The following EPB41L3 variants were observed in gnomAD, a reference collection of about 807,000 sequenced individuals.
EPB41L3 encodes erythrocyte membrane protein band 4.1 like 3, also known as band 4.1-like protein 3.
Under a neutral mutation model 127.1 loss-of-function variants are expected in EPB41L3, and 57 were observed. The ratio of observed to expected loss-of-function variants is 0.45; its 90% CI spans 0.36 to 0.56. EPB41L3 has a LOEUF of 0.56. EPB41L3 is among the 20% of genes least tolerant of loss of function. EPB41L3 has a pLI of 0.00. For missense variants in EPB41L3, 1,273 were observed against 1,372.2 expected (o/e 0.93, Z 1.14); for synonymous variants, 572 against 549.5 (o/e 1.04, Z -0.57).
chr18:5,529,184 A>C (rs1324557427), intron 1 of EPB41L3, among the ~76,000 whole-genome samples: 1 of 152,190 alleles, frequency 6.6e-6, no homozygotes, highest in Non-Finnish European at 1.5e-5. Context: ...TTAGTGCTTT[A>C]AGCTGAGCTG....
intron 3 of EPB41L3, among the ~76,000 whole-genome samples, chr18:5,573,262 C>T (rs557002751): frequency 2.6e-5 from 4 of 152,290 alleles, no homozygotes; most frequent in East Asian, 3.9e-4. Flanking sequence ...CACACACAGA[C>T]GCAATTCAAA....
At chr18:5,586,629 T>G (rs908940891) in intron 3 of EPB41L3, among the ~76,000 whole-genome samples, 1 of 150,418 alleles carries the variant, frequency 6.6e-6, no homozygotes, top group African/African-American at 2.5e-5. Flanking sequence ...CTCAAACTCC[T>G]AGGTTCAAGT....
chr18:5,619,294 G>A (rs1259996680), intron 1 of EPB41L3, among the ~76,000 whole-genome samples: 2 of 152,202 alleles, frequency 1.3e-5, no homozygotes, highest in Non-Finnish European at 2.9e-5. Context: ...CTGGTACAGA[G>A]CACTCACTTC....
At chr18:5,501,229 A>G (rs1200496946) in intron 1 of EPB41L3, among the ~76,000 whole-genome samples, 4 of 152,200 alleles carry the variant, frequency 2.6e-5, no homozygotes, top group Non-Finnish European at 5.9e-5. Context: ...TACTTATAAA[A>G]TCCTACCAAG....
chr18:5,453,277 C>A, intron 3 of EPB41L3, among the ~76,000 whole-genome samples: 1 of 152,222 alleles, frequency 6.6e-6, no homozygotes, highest in East Asian at 1.9e-4. Flanking sequence ...GTCTTTTAGC[C>A]TTGGAAGACA....
rs539292106 is a variant in EPB41L3, at chr18:5,412,703, A to G, written c.2068-2084T>C. On this transcript the variant is annotated intron_variant, in intron 13 of 22. Coordinates refer to ENST00000341928, the MANE Select transcript of EPB41L3 (RefSeq NM_012307.5). ...CGTTAAGAGGGAAAGGTTTAACGTC[A>G]GATGAACATGAGCTCAAATCCTTTC... Among the ~76,000 whole-genome samples, 57 of 152,276 alleles carry G rather than the reference A, an allele frequency of 3.7e-4. No individual in the cohort carries two copies. The East Asian group carries it at 0.011, about 28-fold the overall frequency.
intron 1 of EPB41L3, among the ~76,000 whole-genome samples, chr18:5,526,444 G>A (rs2093224352): frequency 6.6e-6 from 1 of 152,138 alleles, no homozygotes; most frequent in South Asian, 2.1e-4. Flanking sequence ...ACTGATCCGA[G>A]TGCCTCCTCC....
At chr18:5,527,370 A>AATAAAACC (rs1166255772) in intron 1 of EPB41L3, among the ~76,000 whole-genome samples, 4 of 152,204 alleles carry the variant, frequency 2.6e-5, no homozygotes, top group African/African-American at 9.6e-5. Flanking sequence ...AATCAATCTT[A>AATAAAACC]ATAAAACCAT....
rs182309703 is a variant in EPB41L3 at position 5,443,755 on chromosome 18, A to C, written c.529+83T>G. 5,259 of 1,064,472 alleles carry C rather than the reference A, an allele frequency of 4.9e-3. 79 individuals carry two copies. The highest frequency in any genetic ancestry group is 3.4e-3 in the Non-Finnish European group (2,443 of 716,506). 65.9% of individuals were successfully genotyped at this position (1,064,472 alleles called of 1,614,324 possible). A position where few individuals can be genotyped will look rare whatever the true frequency, so the allele number is the denominator to read the frequency against. On this transcript the variant is annotated intron_variant, in intron 5 of 22. Transcript: ENST00000341928. Reference sequence around the variant, plus strand: ...AGAAAAGCTTGTATTCACACTAGCCACTTAGGTATGGGCTACCAATTCAGA... The same window carrying C: ...AGAAAAGCTTGTATTCACACTAGCCCCTTAGGTATGGGCTACCAATTCAGA...
chr18:5,427,183 T>C (rs1381888845), intron 9 of EPB41L3, among the ~76,000 whole-genome samples: 1 of 152,152 alleles, frequency 6.6e-6, no homozygotes, highest in Non-Finnish European at 1.5e-5. Flanking sequence ...TTCTGATTTT[T>C]TAAATTGCAT....
intron 3 of EPB41L3, among the ~76,000 whole-genome samples, chr18:5,612,023 G>A (rs187774868): frequency 1.0e-3 from 153 of 151,000 alleles, no homozygotes; most frequent in Admixed American, 1.9e-3. Flanking sequence ...TAATTCTACC[G>A]AACTGTACAC....
chr18:5,602,293 T>C (rs538085494), intron 3 of EPB41L3, among the ~76,000 whole-genome samples: 2 of 152,208 alleles, frequency 1.3e-5, no homozygotes, highest in Non-Finnish European at 2.9e-5. Context: ...CTGCCAGTAT[T>C]AATCATAGCA....
At chr18:5,591,070 A>T (rs951109142) in intron 3 of EPB41L3, among the ~76,000 whole-genome samples, 1 of 152,232 alleles carries the variant, frequency 6.6e-6, no homozygotes, top group Non-Finnish European at 1.5e-5. Context: ...ATAAAATTAA[A>T]AGTAAAAAGA....
intron 3 of EPB41L3, among the ~76,000 whole-genome samples, chr18:5,597,348 C>A (rs1281443734): frequency 6.6e-6 from 1 of 152,148 alleles, no homozygotes; most frequent in Non-Finnish European, 1.5e-5. Context: ...TCAGGACACT[C>A]CCTTAGGAGC....
intron 1 of EPB41L3, among the ~76,000 whole-genome samples, chr18:5,515,446 G>A (rs1472444611): frequency 2.0e-5 from 3 of 152,176 alleles, no homozygotes; most frequent in Non-Finnish European, 4.4e-5. Flanking sequence ...AAGGAATTGA[G>A]TCTAAGCATA....
rs113264396 is a variant in EPB41L3, at chr18:5,446,234, C to T, written c.382-990G>A. ...TAGAGCAAATCCTTATTAAACATAA[C>T]AAAATATTCAGTTTAAAGAATACTT... On this transcript the variant is annotated intron_variant, in intron 3 of 22. Transcript: ENST00000341928. 8.2e-3 allele frequency among the ~76,000 whole-genome samples: 1,249 copies of T among 152,066 alleles called. 12 individuals are homozygous for T. The highest frequency in any genetic ancestry group is 0.027 in the African/African-American group (1,126 of 41,452).
rs375648285 is a variant in EPB41L3 at position 5,571,465 on chromosome 18, G to A, written c.-306+40875C>T. 5.3e-5 allele frequency among the ~76,000 whole-genome samples: 8 copies of A among 152,238 alleles called. No homozygotes were observed. The East Asian group carries it at 9.6e-4, about 18-fold the overall frequency. ...TCATAGGTGATTAATTGTACTCAGC[G>A]TGACACAGTTTAAGACTTCTCCAGT... On this transcript the variant is annotated intron_variant, in intron 3 of 21. Transcript: ENST00000545076.
intron 5 of EPB41L3, among the ~76,000 whole-genome samples, chr18:5,438,746 C>T (rs1303827145): frequency 6.6e-6 from 1 of 152,206 alleles, no homozygotes; most frequent in African/African-American, 2.4e-5. Flanking sequence ...ACCTGCACCT[C>T]CTCAGCCTGA....
chr18:5,580,528 A>T lies in EPB41L3; in HGVS notation c.-306+31812T>A, dbSNP rs533471404. Among the ~76,000 whole-genome samples the T allele has an allele frequency of 2.6e-5, 4 of 152,338 alleles. No individual in the cohort carries two copies. The South Asian group carries it at 8.3e-4, about 32-fold the overall frequency. On this transcript the variant is annotated intron_variant, in intron 3 of 21. Coordinates refer to the EPB41L3 transcript ENST00000545076. ...TGTATATATACATATTCACATGCAAATATGTATACATATATAGATAAGTAT... is the reference window on the plus strand; with the variant it reads ...TGTATATATACATATTCACATGCAATTATGTATACATATATAGATAAGTAT...
Sources: allele counts gnomAD v4.1 joint callset (sites outside exome capture counted in the v4.1 genomes callset), GRCh38; gene constraint gnomAD v4.1.1; transcripts MANE v1.5; gene names NCBI Gene and HGNC (gene_info 2026-07-23, HGNC 2026-07-21).